The following MICU3 variants were observed in gnomAD, a reference collection of about 807,000 sequenced individuals.
The protein encoded by MICU3 is calcium uptake protein 3, mitochondrial.
MICU3 carries 62 observed loss-of-function variants against 66.5 expected under a neutral mutation model. That is an observed-to-expected ratio of 0.93 (90% CI 0.76 to 1.15). The LOEUF is 1.15. Ranked by LOEUF, MICU3 falls within the 50% of genes most tolerant of loss-of-function variation. The probability of loss-of-function intolerance (pLI) is 0.00; values close to 1 mark genes in which losing one functional copy is unlikely to be tolerated. For synonymous variants in MICU3, 308 were observed against 240.7 expected, an observed-to-expected ratio of 1.28 and a Z score of -2.59; for missense variants, 779 against 664.4, an observed-to-expected ratio of 1.17 and a Z score of -1.90.
intron 7 of MICU3, 46 bp from the exon 8 acceptor site, chr8:17,090,500 A>C: frequency 3.8e-6 from 6 of 1,569,686 alleles, no homozygotes; most frequent in Non-Finnish European, 5.2e-6. Flanking sequence ...ACTTGGGTTC[A>C]TTCTGAAATA....
rs944162517 is a variant in MICU3, at chr8:17,035,178, G to A, written c.381+7518G>A. Among the ~76,000 whole-genome samples, 5 of 152,300 alleles carry A rather than the reference G, an allele frequency of 3.3e-5. No homozygotes were observed. In the East Asian group the frequency reaches 9.6e-4, roughly 29 times the overall value. ...ATGATTGTGAGGCCTTCCCAGCCTT[G>A]TGGAACTGTGAGTCAATTAAACATC... On this transcript the variant is annotated intron_variant, in intron 1 of 14. Coordinates refer to ENST00000318063, the MANE Select transcript of MICU3 (RefSeq NM_181723.3).
chr8:17,027,526 T>A lies in MICU3; in HGVS notation c.247T>A (p.Tyr83Asn). The part of the protein sequence containing the change: ...AGGGLVGLVC[Y>N]QLYGDPRAGS... ...CGGGGGGCTGGTCGGCCTGGTATGCTACCAGCTGTACGGGGACCCCAGGGC... is the reference window on the plus strand; with the variant it reads ...CGGGGGGCTGGTCGGCCTGGTATGCAACCAGCTGTACGGGGACCCCAGGGC... The change falls in exon 1 of 15, where the codon TAC becomes AAC. Residue 83 changes from tyrosine to asparagine, a missense_variant. By Grantham distance (143) the Tyr-to-Asn change is moderately radical. Transcript: ENST00000318063. 7.8e-7 allele frequency: 1 copy of A among 1,281,474 alleles called. No homozygotes were observed. The highest frequency in any genetic ancestry group is 1.5e-5 in the African/African-American group (1 of 64,704). 79.4% of individuals were successfully genotyped at this position (1,281,474 alleles called of 1,614,324 possible).
intron 1 of MICU3, among the ~76,000 whole-genome samples, chr8:17,051,006 G>C (rs1194656013): frequency 6.6e-6 from 1 of 152,136 alleles, no homozygotes; most frequent in East Asian, 1.9e-4. Flanking sequence ...TAGTTTGAAA[G>C]TCATGCATCC....
chr8:17,091,266 C>T (rs1800021236), intron 8 of MICU3, among the ~76,000 whole-genome samples: 1 of 152,034 alleles, frequency 6.6e-6, no homozygotes, highest in Non-Finnish European at 1.5e-5. Context: ...AAAGTCAGCA[C>T]TTTTGGTTAG....
chr8:17,073,160 A>G (rs1390610528), intron 3 of MICU3, among the ~76,000 whole-genome samples: 4 of 152,206 alleles, frequency 2.6e-5, no homozygotes, highest in Non-Finnish European at 4.4e-5. Flanking sequence ...TTGAAAATGC[A>G]TATGAGAAAT....
intron 11 of MICU3, among the ~76,000 whole-genome samples, chr8:17,110,743 G>C (rs373146713): frequency 1.4e-5 from 2 of 147,700 alleles, no homozygotes; most frequent in African/African-American, 4.9e-5. Flanking sequence ...TTTTGGGGAG[G>C]GGGGGGTAGA....
At chr8:17,066,623 A>G (rs1360129290) in intron 2 of MICU3, among the ~76,000 whole-genome samples, 1 of 148,368 alleles carries the variant, frequency 6.7e-6, no homozygotes, top group African/African-American at 2.5e-5. Flanking sequence ...ACTCACTACA[A>G]CCTCAACCTC....
In MICU3 at chr8:17,081,668, A is replaced by G. The variant is rs750475603; in HGVS notation, c.647-25A>G. ...GCTTCTAGAACAATATTTTATATATATAACTGATACTATTTTTCTTGTAGG... is the reference window on the plus strand; with the variant it reads ...GCTTCTAGAACAATATTTTATATATGTAACTGATACTATTTTTCTTGTAGG... On this transcript the variant is annotated intron_variant, in intron 4 of 14. Transcript: ENST00000318063. The G allele has an allele frequency of 5.4e-6, 4 of 746,356 alleles. No individual in the cohort carries two copies. The South Asian group carries it at 7.5e-5, about 14-fold the overall frequency. 46.2% of individuals were successfully genotyped at this position (746,356 alleles called of 1,614,324 possible).
chr8:17,118,730 C>T lies in MICU3; in HGVS notation c.1548C>T (p.Tyr516=). 1 of 1,612,022 alleles carries T rather than the reference C, an allele frequency of 6.2e-7. No homozygotes were observed. The highest frequency in any genetic ancestry group is 8.5e-7 in the Non-Finnish European group (1 of 1,178,394). The change falls in exon 14 of 15, where the codon TAC becomes TAT. Residue 516 remains tyrosine, a synonymous_variant. Coordinates refer to ENST00000318063, the MANE Select transcript of MICU3 (RefSeq NM_181723.3). ...AGGGTTATAAAACAGTCCAGAAGTA[C>T]CCCACTTTCAAATCCTGCCTGAAGA... ...GFRGYKTVQK[Y]PTFKSCLKKE...
intron 13 of MICU3, among the ~76,000 whole-genome samples, chr8:17,118,428 T>A (rs1035354177): frequency 1.3e-5 from 2 of 152,184 alleles, no homozygotes; most frequent in African/African-American, 4.8e-5. Flanking sequence ...AAATGTACTT[T>A]TTAAAAGCAT....
chr8:17,137,781 A>G, the MICU3 span, among the ~76,000 whole-genome samples: 1 of 140,126 alleles, frequency 7.1e-6, no homozygotes, highest in Non-Finnish European at 1.5e-5. Flanking sequence ...CAGTGGCACA[A>G]TCTCGGCTCA....
intron 1 of MICU3, among the ~76,000 whole-genome samples, chr8:17,036,412 G>A (rs1290737550): frequency 6.6e-6 from 1 of 152,146 alleles, no homozygotes; most frequent in Non-Finnish European, 1.5e-5. Flanking sequence ...GGTTGCCAAT[G>A]CTGGCTCGGG....
rs1418910446 is a variant in MICU3 at position 17,090,628 on chromosome 8, C to T, written c.888+44C>T. ...ATGTTCTTTATGTATATAGCCCTCA[C>T]CTGTTATACTTGATAATGTTATTTC... On this transcript the variant is annotated intron_variant, in intron 8 of 14. Transcript: ENST00000318063. The T allele has an allele frequency of 2.9e-6, 4 of 1,391,410 alleles. No individual in the cohort carries two copies. The South Asian group carries it at 5.2e-5, about 18-fold the overall frequency. 86.2% of individuals were successfully genotyped at this position (1,391,410 alleles called of 1,614,324 possible). A position where few individuals can be genotyped will look rare whatever the true frequency, so the allele number is the denominator to read the frequency against.
the MICU3 span, among the ~76,000 whole-genome samples, chr8:17,137,289 A>G: frequency 1.3e-5 from 2 of 152,126 alleles, no homozygotes; most frequent in South Asian, 4.2e-4. Flanking sequence ...TAAATGTTCT[A>G]TTTGCATTTA....
chr8:17,058,500 G>A (rs1471802142), intron 1 of MICU3, among the ~76,000 whole-genome samples: 1 of 151,980 alleles, frequency 6.6e-6, no homozygotes, highest in African/African-American at 2.4e-5. Flanking sequence ...TAGTAAACTG[G>A]TTTAATGTCA....
the MICU3 span, chr8:17,132,721 A>G: frequency 1.3e-5 from 2 of 152,242 alleles, no homozygotes; most frequent in Non-Finnish European, 2.9e-5. Flanking sequence ...AAGAACTCAG[A>G]TCTCTGAAAT....
In MICU3 at chr8:17,085,313, TTGG is replaced by T. The variant is rs755942799; in HGVS notation, c.777_777+2del. ...TGAGATGGTGGATAAAAAAGAGTTT[TTGG>T]TGGTATGTATACTAGATGCTGCACT... On this transcript the variant is annotated inframe_deletion and splice_region_variant, in exon 6 of 15. Transcript: ENST00000318063. The T allele has an allele frequency of 1.4e-4, 220 of 1,597,994 alleles. No homozygotes were observed. The highest frequency in any genetic ancestry group is 1.9e-4 in the Non-Finnish European group (217 of 1,166,646).
intron 11 of MICU3, among the ~76,000 whole-genome samples, chr8:17,106,168 A>G (rs991604341): frequency 1.3e-5 from 2 of 152,040 alleles, no homozygotes; most frequent in Admixed American, 6.6e-5. Context: ...ATTGCCACCA[A>G]ATAGAACTAG....
intron 1 of MICU3, among the ~76,000 whole-genome samples, chr8:17,059,165 G>C (rs1300076391): frequency 6.6e-6 from 1 of 152,152 alleles, no homozygotes; most frequent in Non-Finnish European, 1.5e-5. Flanking sequence ...TATAGTTTGA[G>C]TTTTTGTTTG....
Sources: allele counts gnomAD v4.1 joint callset (sites outside exome capture counted in the v4.1 genomes callset), GRCh38; gene constraint gnomAD v4.1.1; transcripts MANE v1.5; gene names NCBI Gene and HGNC (gene_info 2026-07-23, HGNC 2026-07-21).